COL14A1: variants seen among roughly 807,000 people sequenced by gnomAD.
The protein encoded by COL14A1 is collagen alpha-1(XIV) chain.
Under a neutral mutation model 230.3 loss-of-function variants are expected in COL14A1, and 136 were observed. The observed-to-expected ratio is 0.59, with a 90% CI of 0.51 to 0.68. The LOEUF (loss-of-function observed/expected upper bound fraction) is 0.68. Ranked by LOEUF, COL14A1 falls within the 30% of genes least tolerant of loss-of-function variation. The pLI, the probability that COL14A1 is intolerant of heterozygous loss-of-function variation, is 0.00. For missense variants in COL14A1, 1,976 were observed against 2,215.8 expected (o/e 0.89, Z 2.17); for synonymous variants, 792 against 784.1 (o/e 1.01, Z -0.17).
chr8:120,371,265 G>T lies in COL14A1; in HGVS notation c.*34G>T, dbSNP rs1301999517. On this transcript the variant is annotated 3_prime_UTR_variant, in exon 48 of 48. Coordinates refer to ENST00000297848, the MANE Select transcript of COL14A1 (RefSeq NM_021110.4). ...GGAGAAATTTGAAGACCAACTGCAAGAACTCTTAAGGAATCTTGTTTGAGA... is the reference window on the plus strand; with the variant it reads ...GGAGAAATTTGAAGACCAACTGCAATAACTCTTAAGGAATCTTGTTTGAGA... The T allele has an allele frequency of 6.5e-7, 1 of 1,527,098 alleles. No individual in the cohort carries two copies. The highest frequency in any genetic ancestry group is 1.4e-5 in the African/African-American group (1 of 72,762). 94.6% of individuals were successfully genotyped at this position (1,527,098 alleles called of 1,614,324 possible).
At chr8:120,130,874 T>C (rs1227934393) in intron 1 of COL14A1, among the ~76,000 whole-genome samples, 1 of 152,156 alleles carries the variant, frequency 6.6e-6, no homozygotes, top group East Asian at 1.9e-4. Context: ...CCCCCTTTTT[T>C]TTCCTTCCCT....
At position 120,315,949 on chromosome 8, in the gene COL14A1, C is replaced by T. The variant is rs1448732441; in HGVS notation, c.4611C>T (p.Ile1537=). ...GDTGLPGPQG[I]PGGVGSPGRD... ...TTTGTCCCTGTTCTACACAGGGTAT[C>T]CCAGGAGGCGTTGGTTCACCAGGAC... Residue 1537 remains isoleucine, a synonymous_variant, in exon 40 of 48, where the codon ATC becomes ATT. Transcript: ENST00000297848. 5 of 1,613,700 alleles carry T rather than the reference C, an allele frequency of 3.1e-6. No homozygotes were observed. Among genetic ancestry groups the T allele is most frequent in the East Asian group, 2.2e-5 (1 of 44,880 alleles).
rs750423169 is a variant in COL14A1 at position 120,162,399 on chromosome 8, C to A, written c.206-27C>A. ...ACACAGTGGACCTTATTTCTTAGAA[C>A]TGATTTATTTTTCTCTTTTATTATA... On this transcript the variant is annotated intron_variant, in intron 3 of 47. Coordinates refer to ENST00000297848, the MANE Select transcript of COL14A1 (RefSeq NM_021110.4). 4 of 1,573,656 alleles carry A rather than the reference C, an allele frequency of 2.5e-6. No individual in the cohort carries two copies. In the East Asian group the frequency reaches 9.0e-5, roughly 35 times the overall value.
intron 33 of COL14A1, among the ~76,000 whole-genome samples, chr8:120,288,428 A>G (rs1483570154): frequency 6.6e-6 from 1 of 152,142 alleles, no homozygotes; most frequent in Non-Finnish European, 1.5e-5. Context: ...AACAAAAATG[A>G]AGTTGAACAA....
intron 5 of COL14A1, among the ~76,000 whole-genome samples, chr8:120,190,621 G>A (rs1307371425): frequency 6.6e-6 from 1 of 152,002 alleles, no homozygotes; most frequent in Non-Finnish European, 1.5e-5. Flanking sequence ...TGGTAGAATT[G>A]CCAGCTCCTC....
intron 1 of COL14A1, among the ~76,000 whole-genome samples, chr8:120,142,148 C>T (rs967258553): frequency 1.3e-5 from 2 of 151,958 alleles, no homozygotes; most frequent in Admixed American, 6.6e-5. Flanking sequence ...CTGATTGAAA[C>T]CTCTGGTTAT....
rs1051075202 is a variant in COL14A1, at chr8:120,371,718, G to A, written c.*487G>A. On this transcript the variant is annotated 3_prime_UTR_variant, in exon 48 of 48. Coordinates refer to ENST00000297848, the MANE Select transcript of COL14A1 (RefSeq NM_021110.4). ...GACAATATTGGAGAAACTACCTCTT[G>A]TTTAATTGATCTGTCCAACTCTGAG... 7 of 397,890 alleles carry A rather than the reference G, an allele frequency of 1.8e-5. No individual in the cohort carries two copies. Among genetic ancestry groups the A allele is most frequent in the Non-Finnish European group, 3.1e-5 (7 of 225,422 alleles). The allele number at this position is 397,890 out of a possible 1,614,324, so 24.6% of individuals were successfully genotyped here. A position where few individuals can be genotyped will look rare whatever the true frequency, so the allele number is the denominator to read the frequency against.
chr8:120,319,634 A>G (rs900526348), intron 40 of COL14A1, among the ~76,000 whole-genome samples: 1 of 152,238 alleles, frequency 6.6e-6, no homozygotes, highest in African/African-American at 2.4e-5. Context: ...CTTAACAAAT[A>G]ATAAAAAGGA....
intron 13 of COL14A1, chr8:120,213,981 G>A (rs937977488): frequency 2.5e-6 from 1 of 402,842 alleles, no homozygotes; most frequent in Non-Finnish European, 4.9e-6. Flanking sequence ...GATCTTTATT[G>A]TCAAAGAATC....
At chr8:120,370,793 C>G in intron 47 of COL14A1, 1 of 1,375,846 alleles carries the variant, frequency 7.3e-7, no homozygotes, top group Non-Finnish European at 9.6e-7. Context: ...CCCTGATCAC[C>G]TCCCCTCCCT....
intron 5 of COL14A1, among the ~76,000 whole-genome samples, chr8:120,169,475 T>C (rs1323813746): frequency 6.6e-6 from 1 of 152,204 alleles, no homozygotes; most frequent in African/African-American, 2.4e-5. Flanking sequence ...TTGAACATTT[T>C]TTCATATCTT....
rs148287416 is a variant in COL14A1 at position 120,183,867 on chromosome 8, C to G, written c.437-12924C>G. ...TTCTTCTTTCCTTCTTCCTTCCCTC[C>G]CTCCCTTCCTTTCTCCGAAATACTT... On this transcript the variant is annotated intron_variant, in intron 5 of 47. Transcript: ENST00000297848. 3.0e-3 allele frequency among the ~76,000 whole-genome samples: 450 copies of G among 152,230 alleles called. 4 individuals are homozygous for G. Among genetic ancestry groups the G allele is most frequent in the African/African-American group, 0.01 (417 of 41,542 alleles).
chr8:120,269,989 A>G (rs201398716), intron 25 of COL14A1, 46 bp from the exon 26 acceptor site: 1 of 1,604,254 alleles, frequency 6.2e-7, no homozygotes. Context: ...AATAACTACT[A>G]ACTTTTCCCC....
chr8:120,356,551 T>A (rs539873297), intron 45 of COL14A1, among the ~76,000 whole-genome samples: 1 of 152,344 alleles, frequency 6.6e-6, no homozygotes, highest in African/African-American at 2.4e-5. Context: ...AGGGTATATA[T>A]TTCCTGACTT....
chr8:120,190,440 G>T (rs931151296), intron 5 of COL14A1, among the ~76,000 whole-genome samples: 1 of 152,226 alleles, frequency 6.6e-6, no homozygotes, highest in South Asian at 2.1e-4. Flanking sequence ...TAGGTTGCCT[G>T]TTCACTCTGA....
intron 46 of COL14A1, 73 bp downstream of exon 46, chr8:120,367,321 A>C: frequency 8.0e-7 from 1 of 1,242,860 alleles, no homozygotes; most frequent in South Asian, 1.3e-5. Flanking sequence ...AGTGAGGAAA[A>C]TGGTCATCTT....
chr8:120,137,693 A>C (rs1383859815), intron 1 of COL14A1, among the ~76,000 whole-genome samples: 1 of 151,890 alleles, frequency 6.6e-6, no homozygotes, highest in Non-Finnish European at 1.5e-5. Context: ...TTCCGTTGTG[A>C]TTTCATCTTT....
chr8:120,332,312 T>C, intron 41 of COL14A1, 118 bp downstream of exon 41: 1 of 923,836 alleles, frequency 1.1e-6, no homozygotes, highest in Non-Finnish European at 1.7e-6. Flanking sequence ...GTGTGACAAC[T>C]CATCCCTTGA....
In COL14A1 at chr8:120,373,542, T is replaced by C. The variant is rs1812226439; in HGVS notation, c.*2311T>C. 6.6e-6 allele frequency among the ~76,000 whole-genome samples: 1 copy of C among 152,220 alleles called. No individual in the cohort carries two copies. The highest frequency in any genetic ancestry group is 1.9e-4 in the East Asian group (1 of 5,202). ...TATAGTTTGTAAGTTTATACTGTTT[T>C]CTAAAAGTAATAAATCATTTCATGA... On this transcript the variant is annotated 3_prime_UTR_variant, in exon 48 of 48. Transcript: ENST00000297848.
Sources: allele counts gnomAD v4.1 joint callset (sites outside exome capture counted in the v4.1 genomes callset), GRCh38; gene constraint gnomAD v4.1.1; transcripts MANE v1.5; gene names NCBI Gene and HGNC (gene_info 2026-07-23, HGNC 2026-07-21).